The following RIGI variants were observed in gnomAD, a reference collection of about 807,000 sequenced individuals.
RIGI encodes the protein antiviral innate immune response receptor RIG-I.
chr9:32,481,059 T>G, the RIGI span, among the ~76,000 whole-genome samples: 13 of 152,322 alleles, frequency 8.5e-5, no homozygotes, highest in African/African-American at 2.9e-4. Flanking sequence ...TCTCTCACAA[T>G]CACCCAATTT....
chr9:32,510,481 C>A, the RIGI span, among the ~76,000 whole-genome samples: 13 of 152,080 alleles, frequency 8.5e-5, no homozygotes, highest in Non-Finnish European at 1.6e-4. Flanking sequence ...TCATATACAG[C>A]CAAACTAAGA....
the RIGI span, among the ~76,000 whole-genome samples, chr9:32,518,479 C>A: frequency 6.6e-6 from 1 of 151,824 alleles, no homozygotes; most frequent in Non-Finnish European, 1.5e-5. Context: ...CATGTAGTTT[C>A]TTTCCTATTT....
the RIGI span, among the ~76,000 whole-genome samples, chr9:32,504,038 A>AACACACACACACACAC: frequency 0.13 from 17,541 of 135,472 alleles, 1,308 homozygotes; most frequent in Middle Eastern, 0.18. Context: ...CAAGACTCCA[A>AACACACACACACACAC]ACACACACAC....
At chr9:32,472,458 G>T in the RIGI span, among the ~76,000 whole-genome samples, 1 of 152,178 alleles carries the variant, frequency 6.6e-6, no homozygotes, top group Non-Finnish European at 1.5e-5. Context: ...ATTCATCTAG[G>T]TACTGCTCTG....
chr9:32,501,097 C>A, the RIGI span, among the ~76,000 whole-genome samples: 9 of 152,102 alleles, frequency 5.9e-5, no homozygotes, highest in Non-Finnish European at 1.0e-4. Context: ...AACCTCTGCC[C>A]AGGCCGACTG....
At chr9:32,485,531 CTTTT>C in the RIGI span, 704 of 320,332 alleles carry the variant, frequency 2.2e-3, no homozygotes, top group East Asian at 4.6e-3. Context: ...TAACTAGCTT[CTTTT>C]TTTTTTTTTT....
the RIGI span, among the ~76,000 whole-genome samples, chr9:32,459,691 CTTAGTA>C: frequency 6.6e-6 from 1 of 152,158 alleles, no homozygotes; most frequent in Non-Finnish European, 1.5e-5. Flanking sequence ...GTTCTCCTAA[CTTAGTA>C]TTAGTCAATG....
the RIGI span, among the ~76,000 whole-genome samples, chr9:32,464,577 G>A: frequency 6.6e-6 from 1 of 152,072 alleles, no homozygotes; most frequent in African/African-American, 2.4e-5. Flanking sequence ...TTTTAGTAGA[G>A]ACGGGGTTTC....
the RIGI span, among the ~76,000 whole-genome samples, chr9:32,492,848 GGTATATTGGCATATAGC>G: frequency 6.6e-6 from 1 of 151,814 alleles, no homozygotes; most frequent in South Asian, 2.1e-4. Flanking sequence ...TCCCAATATG[GGTATATTGGCATATAGC>G]AATATTTGGA....
chr9:32,511,871 T>C, the RIGI span, among the ~76,000 whole-genome samples: 2 of 152,064 alleles, frequency 1.3e-5, no homozygotes, highest in South Asian at 4.2e-4. Flanking sequence ...ATGACTCAAA[T>C]AGATACAATA....
At chr9:32,509,902 T>A in the RIGI span, among the ~76,000 whole-genome samples, 4 of 151,836 alleles carry the variant, frequency 2.6e-5, no homozygotes, top group Non-Finnish European at 4.4e-5. Context: ...AATGACCTGA[T>A]GTAGCCAAAA....
chr9:32,456,858 G>T, the RIGI span: 1 of 401,166 alleles, frequency 2.5e-6, no homozygotes, highest in Non-Finnish European at 4.5e-6. Flanking sequence ...TGTGTTTGTT[G>T]GCAGTTGACT....
chr9:32,492,556 A>G, the RIGI span: 1 of 1,613,430 alleles, frequency 6.2e-7, no homozygotes, highest in African/African-American at 1.3e-5. Flanking sequence ...AGGTAACTGT[A>G]GTTTATTGAT....
chr9:32,484,572 C>A, the RIGI span, among the ~76,000 whole-genome samples: 6 of 152,286 alleles, frequency 3.9e-5, no homozygotes, highest in African/African-American at 1.4e-4. Context: ...ATCCGTTTAG[C>A]CATTCAATCA....
the RIGI span, chr9:32,457,493 A>AAAAG: frequency 0.014 from 16,350 of 1,155,828 alleles, 25 homozygotes; most frequent in African/African-American, 0.032. Flanking sequence ...TAAAAAAAAA[A>AAAAG]AAAAGAAAAC....
the RIGI span, among the ~76,000 whole-genome samples, chr9:32,519,141 A>G: frequency 2.0e-5 from 3 of 152,226 alleles, no homozygotes; most frequent in Non-Finnish European, 2.9e-5. Flanking sequence ...CCTCCAAGTT[A>G]AACTGAGTAG....
chr9:32,476,618 T>C, the RIGI span, among the ~76,000 whole-genome samples: 1 of 151,352 alleles, frequency 6.6e-6, no homozygotes, highest in African/African-American at 2.4e-5. Context: ...TACACATATA[T>C]GGTTTCTTGA....
the RIGI span, among the ~76,000 whole-genome samples, chr9:32,512,861 C>A: frequency 3.3e-3 from 498 of 152,162 alleles, no homozygotes; most frequent in African/African-American, 7.4e-3. Context: ...TGATAAGCAA[C>A]TTCAGCAAAG....
chr9:32,469,212 C>T, the RIGI span, among the ~76,000 whole-genome samples: 2 of 152,168 alleles, frequency 1.3e-5, no homozygotes, highest in African/African-American at 4.8e-5. Flanking sequence ...CCACCCCTAC[C>T]TATCCACATC....
Sources: gnomAD v4.1 joint callset for allele counts (sites outside exome capture counted in the v4.1 genomes callset) on GRCh38, gnomAD v4.1.1 for gene constraint, MANE v1.5 for transcripts, NCBI Gene and HGNC (gene_info 2026-07-23, HGNC 2026-07-21) for gene names.